CPNE4: variants seen among roughly 807,000 people sequenced by gnomAD.
CPNE4 encodes copine 4.
A neutral mutation model predicts 67.9 loss-of-function variants in CPNE4; 25 were observed. That is an observed-to-expected ratio of 0.37 (90% confidence interval 0.27 to 0.51). CPNE4 has a LOEUF of 0.51. Ranked by LOEUF, CPNE4 falls within the 20% of genes least tolerant of loss-of-function variation. The pLI is 0.93. For missense variants in CPNE4, 464 were observed against 690.8 expected, an observed-to-expected ratio of 0.67 and a Z score of 3.68; for synonymous variants, 242 against 244.9, an observed-to-expected ratio of 0.99 and a Z score of 0.11.
At chr3:132,026,727 C>A (rs2074123217) in intron 1 of CPNE4, among the ~76,000 whole-genome samples, 3 of 151,972 alleles carry the variant, frequency 2.0e-5, no homozygotes, top group Admixed American at 1.3e-4. Context: ...AGTACTATAT[C>A]CCACTTTAAA....
At chr3:131,610,107 T>A (rs1939745510) in intron 7 of CPNE4, among the ~76,000 whole-genome samples, 1 of 152,114 alleles carries the variant, frequency 6.6e-6, no homozygotes, top group Non-Finnish European at 1.5e-5. Flanking sequence ...TCTCCTTTCC[T>A]TTTTCCCTCC....
At chr3:131,554,748 T>C (rs1419062491) in intron 12 of CPNE4, among the ~76,000 whole-genome samples, 1 of 152,012 alleles carries the variant, frequency 6.6e-6, no homozygotes, top group Admixed American at 6.6e-5. Context: ...TTGGGCAGTG[T>C]TGTTTGTACT....
intron 2 of CPNE4, among the ~76,000 whole-genome samples, chr3:131,902,496 G>A (rs2088591405): frequency 6.6e-6 from 1 of 152,014 alleles, no homozygotes; most frequent in African/African-American, 2.4e-5. Flanking sequence ...TTAAAATAGG[G>A]TATATCTGGA....
chr3:131,701,651 G>A (rs6762188), intron 3 of CPNE4, among the ~76,000 whole-genome samples: 69,981 of 151,962 alleles, frequency 0.46, 16,501 homozygotes, highest in African/African-American at 0.51. Context: ...AGCCAGGAGC[G>A]TAAGCCTGGA....
At chr3:131,655,325 A>G (rs1017135822) in intron 7 of CPNE4, among the ~76,000 whole-genome samples, 1 of 152,152 alleles carries the variant, frequency 6.6e-6, no homozygotes, top group Non-Finnish European at 1.5e-5. Flanking sequence ...TGATGTTGCT[A>G]AAGTTTGATG....
intron 1 of CPNE4, among the ~76,000 whole-genome samples, chr3:131,911,831 T>A (rs2088991784): frequency 6.6e-6 from 1 of 151,906 alleles, no homozygotes; most frequent in African/African-American, 2.4e-5. Flanking sequence ...TATACTGGAG[T>A]TCATGAGTTC....
chr3:132,011,902 T>C (rs1268824230), intron 1 of CPNE4, among the ~76,000 whole-genome samples: 1 of 152,238 alleles, frequency 6.6e-6, no homozygotes, highest in Non-Finnish European at 1.5e-5. Context: ...TTTCCTTTTC[T>C]GTAGAACCTT....
chr3:131,834,574 T>G (rs1323247283), intron 2 of CPNE4, among the ~76,000 whole-genome samples: 1 of 151,754 alleles, frequency 6.6e-6, no homozygotes, highest in African/African-American at 2.4e-5. Context: ...AATAACTATT[T>G]GGAGAGAAAA....
chr3:132,016,558 A>G (rs746379723), intron 1 of CPNE4, among the ~76,000 whole-genome samples: 1 of 152,146 alleles, frequency 6.6e-6, no homozygotes, highest in African/African-American at 2.4e-5. Flanking sequence ...AGTCAGAGGA[A>G]CCCTGAGAGA....
intron 7 of CPNE4, among the ~76,000 whole-genome samples, chr3:131,632,504 A>G (rs906811119): frequency 5.3e-5 from 8 of 152,192 alleles, no homozygotes; most frequent in Non-Finnish European, 2.9e-5. Flanking sequence ...CAATTACCCC[A>G]CAATGGTAAA....
chr3:131,861,527 T>A (rs1376065272), intron 2 of CPNE4, among the ~76,000 whole-genome samples: 4 of 151,108 alleles, frequency 2.6e-5, no homozygotes, highest in African/African-American at 9.8e-5. Flanking sequence ...CCCTCCCGGG[T>A]TCAAGCGGTT....
chr3:131,870,048 A>C (rs1375304924), intron 2 of CPNE4, among the ~76,000 whole-genome samples: 3 of 152,148 alleles, frequency 2.0e-5, no homozygotes, highest in Non-Finnish European at 2.9e-5. Flanking sequence ...GTGGGTAGAT[A>C]GGGAAGGTTC....
chr3:131,751,419 A>T (rs1168456478), intron 2 of CPNE4, among the ~76,000 whole-genome samples: 1 of 151,636 alleles, frequency 6.6e-6, no homozygotes, highest in Non-Finnish European at 1.5e-5. Context: ...TATCTCTTCC[A>T]TTCTATTGTT....
In CPNE4 at chr3:131,785,325, T is replaced by C. The variant is rs77537539; in HGVS notation, c.181-61700A>G. On this transcript the variant is annotated intron_variant, in intron 2 of 15. Coordinates refer to ENST00000429747, the MANE Select transcript of CPNE4 (RefSeq NM_130808.3). ...CAAGCTATAGTCCTGCCTTGAAGGC[T>C]TCCTTTGTTTCCAACACCTGCAACT... 0.01 allele frequency among the ~76,000 whole-genome samples: 1,556 copies of C among 152,156 alleles called. 67 individuals are homozygous for C. The East Asian group carries it at 0.12, about 12-fold the overall frequency.
chr3:131,792,651 ATATACACACGTG>A (rs1324357224), intron 2 of CPNE4, among the ~76,000 whole-genome samples: 8 of 79,462 alleles, frequency 1.0e-4, no homozygotes, highest in African/African-American at 2.0e-4. Flanking sequence ...ATATATGTAT[ATATACACACGTG>A]TATATATACA....
At chr3:131,572,402 G>C (rs868394590) in intron 10 of CPNE4, among the ~76,000 whole-genome samples, 3 of 152,096 alleles carry the variant, frequency 2.0e-5, no homozygotes. Context: ...CCTTCTGTCA[G>C]GAAGAAGGTC....
intron 10 of CPNE4, among the ~76,000 whole-genome samples, chr3:131,569,838 A>G (rs1288245471): frequency 4.6e-5 from 7 of 151,924 alleles, no homozygotes; most frequent in African/African-American, 1.7e-4. Context: ...GTCAGAGGTA[A>G]GAGAAAGCAA....
rs930679543 is a variant in CPNE4, at chr3:131,650,562, G to A, written c.681+19113C>T. Among the ~76,000 whole-genome samples, 6 of 142,610 alleles carry A rather than the reference G, an allele frequency of 4.2e-5. No homozygotes were observed. The South Asian group carries it at 1.2e-3, about 30-fold the overall frequency. The allele number at this position is 142,610 out of a possible 152,430, so 93.6% of individuals were successfully genotyped here. A position where few individuals can be genotyped will look rare whatever the true frequency, so the allele number is the denominator to read the frequency against. The stretch of plus-strand genomic sequence containing the variant: ...CACAAGGTCGGGAGATCGAGACCAC[G>A]GTGAAACCCCGTCTCTACTAAAAAT... On this transcript the variant is annotated intron_variant, in intron 7 of 15. Transcript: ENST00000429747.
intron 9 of CPNE4, among the ~76,000 whole-genome samples, chr3:131,576,724 GT>G (rs916107067): frequency 1.3e-5 from 2 of 151,278 alleles, no homozygotes; most frequent in South Asian, 2.1e-4. Flanking sequence ...TTTACTGTGT[GT>G]TTTTTTTTCA....
Sources: allele counts gnomAD v4.1 joint callset (sites outside exome capture counted in the v4.1 genomes callset), GRCh38; gene constraint gnomAD v4.1.1; transcripts MANE v1.5; gene names NCBI Gene and HGNC (gene_info 2026-07-23, HGNC 2026-07-21).